Variants in EIF5A observed in about 807,000 individuals in gnomAD.
EIF5A encodes eukaryotic translation initiation factor 5A, also known as eukaryotic translation initiation factor 5A-1.
EIF5A carries 1 observed loss-of-function variant against 16.6 expected under a neutral mutation model. The ratio of observed to expected loss-of-function variants is 0.06; its 90% confidence interval spans 0.02 to 0.28. EIF5A has a LOEUF of 0.28. Ranked by LOEUF, EIF5A falls within the 10% of genes least tolerant of loss-of-function variation. The pLI is 1.00. For missense variants in EIF5A, 29 were observed against 196.1 expected (o/e 0.15, Z 5.09); for synonymous variants, 80 against 73.6 (o/e 1.09, Z -0.44).
chr17:7,310,868 TTTC>T (rs2072804037), intron 2 of EIF5A, 147 bp from the exon 3 acceptor site: 1 of 1,422,262 alleles, frequency 7.0e-7, no homozygotes, highest in African/African-American at 1.4e-5. Flanking sequence ...GGCTTTACTG[TTTC>T]TTGAGTTGAC....
intron 1 of EIF5A, chr17:7,308,425 G>T (rs1427114524): frequency 1.3e-5 from 17 of 1,304,874 alleles, no homozygotes; most frequent in Non-Finnish European, 1.7e-5. Flanking sequence ...GGTTCCGAGG[G>T]GGCCTGAGAT....
rs749082408 is a variant in EIF5A at position 7,310,364 on chromosome 17, T to C, written c.165+564T>C. 1.5e-3 allele frequency: 1,771 copies of C among 1,214,346 alleles called. 1 individual carries two copies. Among genetic ancestry groups the C allele is most frequent in the Non-Finnish European group, 1.8e-3 (1,722 of 957,046 alleles). The allele number at this position is 1,214,346 out of a possible 1,614,324, so 75.2% of individuals were successfully genotyped here. ...TGAGCCTCCATGCTTTCATGGGTTT[T>C]AACATTCTTGCTAGCACTTCCCTCA... On this transcript the variant is annotated intron_variant, in intron 2 of 5. Transcript: ENST00000336458.
chr17:7,307,076 G>A (rs1362206681), upstream of EIF5A: 3 of 1,605,036 alleles, frequency 1.9e-6, no homozygotes, highest in Admixed American at 1.7e-5. Flanking sequence ...CTGATTCCAA[G>A]ACAAGGCGCC....
chr17:7,311,766 C>T (rs1360560633), intron 5 of EIF5A, 56 bp from the exon 6 acceptor site: 4 of 1,326,592 alleles, frequency 3.0e-6, no homozygotes, highest in African/African-American at 1.5e-5. Flanking sequence ...TCTGTCCTCC[C>T]TATCCTTCCT....
chr17:7,310,568 T>C (rs2143009271), intron 2 of EIF5A: 2 of 1,081,686 alleles, frequency 1.8e-6, no homozygotes, highest in African/African-American at 1.7e-5. Context: ...TCTAGCTACA[T>C]AGTTATTTCT....
upstream of EIF5A, chr17:7,307,116 G>T: frequency 6.3e-7 from 1 of 1,596,000 alleles, no homozygotes; most frequent in South Asian, 1.2e-5. Context: ...TCTGAAACGT[G>T]TGAGTCGTTT....
At chr17:7,309,550 TG>T (rs1243395462) in intron 1 of EIF5A, 64 bp from the exon 2 acceptor site, 1 of 1,588,610 alleles carries the variant, frequency 6.3e-7, no homozygotes, top group Non-Finnish European at 8.6e-7. Context: ...TGGAGAGAAA[TG>T]GGATAGATTG....
At position 7,309,707 on chromosome 17, in the gene EIF5A, A is replaced by T; in HGVS notation, c.72A>T (p.Ala24=). The T allele has an allele frequency of 6.2e-7, 1 of 1,614,218 alleles. No homozygotes were observed. Among genetic ancestry groups the T allele is most frequent in the Non-Finnish European group, 8.5e-7 (1 of 1,180,034 alleles). ...CCACCTTCCCAATGCAGTGCTCAGC[A>T]TTACGTAAGAATGGCTTTGTGGTGC... ...ASATFPMQCS[A]LRKNGFVVLK... is the part of the protein sequence containing the mutation. The change falls in exon 2 of 6, where the codon GCA becomes GCT. Residue 24 remains alanine, a synonymous_variant. Coordinates refer to ENST00000336458, the MANE Select transcript of EIF5A (RefSeq NM_001970.5).
chr17:7,307,917 G>C, intron 1 of EIF5A, 165 bp downstream of exon 1: 1 of 984,580 alleles, frequency 1.0e-6, no homozygotes, highest in Non-Finnish European at 1.2e-6. Flanking sequence ...GCGCGCCCCG[G>C]TTGGCGCGCG....
chr17:7,311,725 T>A (rs1241530739), intron 5 of EIF5A, 74 bp downstream of exon 5: 1 of 1,584,470 alleles, frequency 6.3e-7, no homozygotes, highest in Non-Finnish European at 8.6e-7. Context: ...GTCTTAATTG[T>A]TTCAGGCTTA....
chr17:7,308,133 G>T, intron 1 of EIF5A: 2 of 988,506 alleles, frequency 2.0e-6, no homozygotes, highest in Non-Finnish European at 2.4e-6. Flanking sequence ...GGGGCTATTC[G>T]GTGAGAGGGC....
At chr17:7,308,632 G>A in intron 1 of EIF5A, 5 of 1,333,534 alleles carry the variant, frequency 3.7e-6, no homozygotes, top group Non-Finnish European at 4.9e-6. Flanking sequence ...AGGGCGTTTG[G>A]ACAGGAGCCC....
At position 7,311,819 on chromosome 17, in the gene EIF5A, T is replaced by G. The variant is rs1001218157; in HGVS notation, c.*12-3T>G. On this transcript the variant is annotated splice_region_variant and splice_polypyrimidine_tract_variant and intron_variant, in intron 5 of 5. Transcript: ENST00000336458. ...GTCTTACTAATTTCTCTCTCCTACCTAGGGTGGCGGTGGTGGCAGCAGTGA... is the reference window on the plus strand; with the variant it reads ...GTCTTACTAATTTCTCTCTCCTACCGAGGGTGGCGGTGGTGGCAGCAGTGA... 1.0e-6 allele frequency: 1 copy of G among 972,966 alleles called. No individual in the cohort carries two copies. The allele number at this position is 972,966 out of a possible 1,614,324, so 60.3% of individuals were successfully genotyped here.
intron 1 of EIF5A, chr17:7,308,053 C>A (rs985637171): frequency 1.0e-4 from 100 of 985,160 alleles, no homozygotes; most frequent in Non-Finnish European, 1.2e-4. Context: ...GGGGCCAGAT[C>A]GGCCCACCGG....
rs769345872 is a variant in EIF5A at position 7,311,500 on chromosome 17, T to G, written c.402+19T>G. ...GATCCTGGTATGGTGCCTCCCTCCC[T>G]GCTTCTGTGCTCAGCTTTGTTCTGT... On this transcript the variant is annotated intron_variant, in intron 4 of 5. Coordinates refer to ENST00000336458, the MANE Select transcript of EIF5A (RefSeq NM_001970.5). 10 of 1,614,140 alleles carry G rather than the reference T, an allele frequency of 6.2e-6. No homozygotes were observed. The highest frequency in any genetic ancestry group is 8.5e-6 in the Non-Finnish European group (10 of 1,180,020).
intron 2 of EIF5A, chr17:7,310,595 C>T: frequency 9.4e-7 from 1 of 1,064,214 alleles, no homozygotes; most frequent in Non-Finnish European, 1.1e-6. Context: ...CCTGCAAGTC[C>T]TTTTCTTCAG....
upstream of EIF5A, chr17:7,307,259 TTCCGAACACGCA>T: frequency 8.3e-7 from 1 of 1,199,530 alleles, no homozygotes; most frequent in Non-Finnish European, 1.1e-6. Context: ...TTGTTTAGGA[TTCCGAACACGCA>T]TGCGTTCTGA....
At chr17:7,311,544 A>T in intron 4 of EIF5A, 34 bp from the exon 5 acceptor site, 1 of 1,614,142 alleles carries the variant, frequency 6.2e-7, no homozygotes, top group Non-Finnish European at 8.5e-7. Context: ...TCCTGAGCTC[A>T]GACATCTCTT....
chr17:7,311,550 C>G lies in EIF5A; in HGVS notation c.403-28C>G, dbSNP rs780278544. 6.2e-6 allele frequency: 10 copies of G among 1,614,178 alleles called. No individual in the cohort carries two copies. The East Asian group carries it at 2.0e-4, about 32-fold the overall frequency. On this transcript the variant is annotated intron_variant, in intron 4 of 5. Coordinates refer to ENST00000336458, the MANE Select transcript of EIF5A (RefSeq NM_001970.5). ...TACGTTTCTTCCTGAGCTCAGACAT[C>G]TCTTGGCTATCCCTCTTGCTTCTCC...
Sources: allele counts gnomAD v4.1 joint callset, GRCh38; gene constraint gnomAD v4.1.1; transcripts MANE v1.5; gene names NCBI Gene and HGNC (gene_info 2026-07-23, HGNC 2026-07-21).